GLT1D1: variants seen among roughly 807,000 people sequenced by gnomAD.
GLT1D1 encodes the protein glycosyltransferase 1 domain-containing protein 1.
Under a neutral mutation model 28.7 loss-of-function variants are expected in GLT1D1, and 21 were observed. That is an observed-to-expected ratio of 0.73 (90% CI 0.52 to 1.05). The LOEUF is 1.05. GLT1D1 is among the 50% of genes least tolerant of loss of function. The pLI, the probability that GLT1D1 is intolerant of heterozygous loss-of-function variation, is 0.00. For synonymous variants in GLT1D1, 147 were observed against 124.8 expected (o/e 1.18, Z -1.19); for missense variants, 343 against 330.6 (o/e 1.04, Z -0.29).
In GLT1D1 at chr12:128,935,404, G is replaced by C. The variant is rs555265211; in HGVS notation, c.376-9922G>C. Among the ~76,000 whole-genome samples, 9 of 152,144 alleles carry C rather than the reference G, an allele frequency of 5.9e-5. No individual in the cohort carries two copies. The South Asian group carries it at 1.7e-3, about 28-fold the overall frequency. On this transcript the variant is annotated intron_variant, in intron 4 of 7. Coordinates refer to ENST00000281703, the MANE Select transcript of GLT1D1 (RefSeq NM_144669.3). ...TAAAATCACAAAATTCACTGGGTGTGGTGGCACATGCCTGTAATCCCAGCT... is the reference window on the plus strand; with the variant it reads ...TAAAATCACAAAATTCACTGGGTGTCGTGGCACATGCCTGTAATCCCAGCT...
chr12:128,855,746 CTTTTTTTTTTTTTT>C, intron 1 of GLT1D1, among the ~76,000 whole-genome samples: 1 of 95,178 alleles, frequency 1.1e-5, no homozygotes, highest in Admixed American at 1.3e-4. Context: ...TGCTGGTTGC[CTTTTTTTTTTTTTT>C]TTTTTTTTTT....
chr12:128,871,114 A>T (rs1479946707), intron 1 of GLT1D1, among the ~76,000 whole-genome samples: 1 of 152,082 alleles, frequency 6.6e-6, no homozygotes, highest in Non-Finnish European at 1.5e-5. Flanking sequence ...TCAGGAATGG[A>T]CTCTCCAAGT....
At chr12:128,882,898 T>A (rs1957089911) in intron 2 of GLT1D1, among the ~76,000 whole-genome samples, 1 of 61,918 alleles carries the variant, frequency 1.6e-5, no homozygotes, top group Admixed American at 1.4e-4. Context: ...CTCTTTCTAT[T>A]TATTTATTTA....
At chr12:128,934,017 A>G (rs1016036759) in intron 4 of GLT1D1, among the ~76,000 whole-genome samples, 24 of 152,086 alleles carry the variant, frequency 1.6e-4, no homozygotes, top group African/African-American at 5.8e-4. Flanking sequence ...TATTCGTGAC[A>G]TCCGACGGGA....
intron 1 of GLT1D1, among the ~76,000 whole-genome samples, chr12:128,862,904 C>T (rs568407609): frequency 2.0e-5 from 3 of 152,262 alleles, no homozygotes; most frequent in African/African-American, 7.2e-5. Flanking sequence ...GATTGTGATA[C>T]GATCAGTGCT....
intron 5 of GLT1D1, among the ~76,000 whole-genome samples, chr12:128,946,569 C>T (rs1395136900): frequency 2.0e-5 from 3 of 151,194 alleles, no homozygotes; most frequent in Admixed American, 6.6e-5. Flanking sequence ...CTCCTGACCT[C>T]GTGATCACCC....
At chr12:128,928,061 G>A (rs2135920356) in intron 4 of GLT1D1, among the ~76,000 whole-genome samples, 1 of 142,362 alleles carries the variant, frequency 7.0e-6, no homozygotes, top group Non-Finnish European at 1.5e-5. Context: ...GAAATACATA[G>A]GAGTCCTATA....
intron 1 of GLT1D1, among the ~76,000 whole-genome samples, chr12:128,870,196 C>T (rs1292232955): frequency 5.3e-5 from 8 of 151,894 alleles, no homozygotes; most frequent in Non-Finnish European, 1.0e-4. Context: ...CCAGCCTGGG[C>T]GACAGAGTGA....
At chr12:128,930,463 T>C (rs1282822706) in intron 4 of GLT1D1, 3 of 152,210 alleles carry the variant, frequency 2.0e-5, no homozygotes, top group Admixed American at 1.3e-4. Context: ...TCACAAAAAG[T>C]ATAAGCAGTG....
At chr12:128,904,799 A>C (rs1870676510) in intron 4 of GLT1D1, among the ~76,000 whole-genome samples, 1 of 151,492 alleles carries the variant, frequency 6.6e-6, no homozygotes, top group Admixed American at 6.6e-5. Context: ...ACACCCAACT[A>C]ATTTCTGTAT....
chr12:128,875,173 G>A (rs555980871), intron 1 of GLT1D1, among the ~76,000 whole-genome samples: 33 of 152,032 alleles, frequency 2.2e-4, no homozygotes, highest in Middle Eastern at 3.4e-3. Context: ...TCAAAGAACC[G>A]AGCAACAGAG....
chr12:128,945,464 T>C, intron 5 of GLT1D1, 95 bp downstream of exon 9: 5 of 1,008,972 alleles, frequency 5.0e-6, no homozygotes, highest in Non-Finnish European at 8.0e-6. Flanking sequence ...CCAGGCACTA[T>C]TCCAAGCAGT....
chr12:128,972,392 C>T (rs1244220984), intron 7 of GLT1D1, among the ~76,000 whole-genome samples: 2 of 152,198 alleles, frequency 1.3e-5, no homozygotes, highest in Non-Finnish European at 1.5e-5. Flanking sequence ...AGGGAGCACA[C>T]GCCCCTCTCT....
In GLT1D1 at chr12:128,929,959, G is replaced by C. The variant is rs137966498; in HGVS notation, c.376-15367G>C. On this transcript the variant is annotated intron_variant, in intron 4 of 7. Coordinates refer to ENST00000281703, the MANE Select transcript of GLT1D1 (RefSeq NM_144669.3). ...CCACTGCACTCCAGCCTGGGTGACAGAGCAAGATTCTGTTTCAAAACAAAC... is the reference window on the plus strand; with the variant it reads ...CCACTGCACTCCAGCCTGGGTGACACAGCAAGATTCTGTTTCAAAACAAAC... Among the ~76,000 whole-genome samples, 1,454 of 152,276 alleles carry C rather than the reference G, an allele frequency of 9.5e-3. 20 individuals are homozygous for C. Among genetic ancestry groups the C allele is most frequent in the African/African-American group, 0.033 (1,377 of 41,568 alleles).
intron 1 of GLT1D1, among the ~76,000 whole-genome samples, chr12:128,866,618 C>CT (rs538025804): frequency 0.029 from 3,847 of 130,560 alleles, 151 homozygotes; most frequent in East Asian, 0.095. Context: ...CACCTTCAGG[C>CT]TTTTTTTTTT....
chr12:128,912,489 A>G, intron 4 of GLT1D1, 29 bp downstream of exon 5: 1 of 1,245,352 alleles, frequency 8.0e-7, no homozygotes. Context: ...TTATTTACTT[A>G]TGTACAGGGA....
At chr12:128,855,223 T>A (rs1206635102) in intron 1 of GLT1D1, among the ~76,000 whole-genome samples, 26 of 81,380 alleles carry the variant, frequency 3.2e-4, no homozygotes, top group Admixed American at 8.8e-4. Context: ...AGACTCCATC[T>A]AAAAAAAAAA....
chr12:128,954,226 A>G (rs12304031), intron 6 of GLT1D1, among the ~76,000 whole-genome samples: 15,343 of 150,682 alleles, frequency 0.1, 982 homozygotes, highest in Middle Eastern at 0.17. Flanking sequence ...CAGGTTCGCC[A>G]TTCTCCTGCC....
chr12:128,885,202 A>G (rs1053575815), intron 2 of GLT1D1, among the ~76,000 whole-genome samples: 1 of 152,128 alleles, frequency 6.6e-6, no homozygotes, highest in African/African-American at 2.4e-5. Context: ...GAATTTTTCA[A>G]TTGTAATCAT....
Sources: allele counts gnomAD v4.1 joint callset (sites outside exome capture counted in the v4.1 genomes callset), GRCh38; gene constraint gnomAD v4.1.1; transcripts MANE v1.5; gene names NCBI Gene and HGNC (gene_info 2026-07-23, HGNC 2026-07-21).